GPHN: variants seen among roughly 807,000 people sequenced by gnomAD.
GPHN encodes the protein gephyrin.
A neutral mutation model predicts 95.5 loss-of-function variants in GPHN; 17 were observed. That is an observed-to-expected ratio of 0.18 (90% confidence interval 0.12 to 0.27). The LOEUF is 0.27. GPHN is among the 10% of genes least tolerant of loss of function. The pLI is 1.00. For synonymous variants in GPHN, 320 were observed against 322.5 expected (o/e 0.99, Z 0.08); for missense variants, 660 against 978.1 (o/e 0.67, Z 4.34).
the GPHN span, among the ~76,000 whole-genome samples, chr14:67,695,073 A>C: frequency 6.6e-6 from 1 of 152,148 alleles, no homozygotes; most frequent in Non-Finnish European, 1.5e-5. Context: ...TCCTGCTCGC[A>C]AGGCAGGATA....
At chr14:67,034,896 CAG>C (rs2074347029) in intron 10 of GPHN, among the ~76,000 whole-genome samples, 1 of 151,950 alleles carries the variant, frequency 6.6e-6, no homozygotes, top group Non-Finnish European at 1.5e-5. Flanking sequence ...AATAAGGAAA[CAG>C]AGAACTTGAA....
At chr14:67,158,583 T>G (rs560953402) in intron 18 of GPHN, among the ~76,000 whole-genome samples, 1 of 152,358 alleles carries the variant, frequency 6.6e-6, no homozygotes, top group South Asian at 2.1e-4. Flanking sequence ...GTTACTGGAC[T>G]CATTTTTAGA....
At chr14:67,572,632 T>G in the GPHN span, among the ~76,000 whole-genome samples, 4 of 152,144 alleles carry the variant, frequency 2.6e-5, no homozygotes, top group African/African-American at 9.7e-5. Context: ...CCAGGCACTG[T>G]GCTCAGTTTC....
At chr14:66,889,110 A>G (rs1409690385) in intron 5 of GPHN, among the ~76,000 whole-genome samples, 1 of 152,192 alleles carries the variant, frequency 6.6e-6, no homozygotes, top group South Asian at 2.1e-4. Context: ...AAAAATGGAC[A>G]GAATTGAAGA....
chr14:66,984,843 C>T (rs1057181985), intron 9 of GPHN, among the ~76,000 whole-genome samples: 6 of 151,764 alleles, frequency 4.0e-5, no homozygotes, highest in East Asian at 3.9e-4. Flanking sequence ...TGCTCTTCAC[C>T]CTGCCGTTTT....
At chr14:67,329,191 A>C in the GPHN span, among the ~76,000 whole-genome samples, 1 of 152,170 alleles carries the variant, frequency 6.6e-6, no homozygotes, top group Non-Finnish European at 1.5e-5. Flanking sequence ...GAGGTCCTTC[A>C]CATCCCTTGT....
chr14:66,586,365 T>A (rs570947437), intron 1 of GPHN, among the ~76,000 whole-genome samples: 69 of 152,354 alleles, frequency 4.5e-4, no homozygotes, highest in African/African-American at 1.7e-3. Context: ...TGTCTTTTAA[T>A]TGGAGCATTT....
the GPHN span, among the ~76,000 whole-genome samples, chr14:67,347,107 G>A: frequency 6.6e-6 from 1 of 151,974 alleles, no homozygotes; most frequent in Non-Finnish European, 1.5e-5. Flanking sequence ...CCTCAGCCCT[G>A]GAAGTAGCTG....
chr14:66,906,424 T>C (rs1245723011), intron 5 of GPHN, among the ~76,000 whole-genome samples: 4 of 152,176 alleles, frequency 2.6e-5, no homozygotes, highest in Admixed American at 2.6e-4. Flanking sequence ...ATCTCACTTT[T>C]TCCAATGTTA....
chr14:67,003,194 T>A (rs957317606), intron 9 of GPHN, among the ~76,000 whole-genome samples: 8 of 151,688 alleles, frequency 5.3e-5, no homozygotes, highest in African/African-American at 1.9e-4. Context: ...TTTTTTATTA[T>A]CAGTAGTATA....
At chr14:66,661,931 CG>C (rs772577917) in intron 1 of GPHN, among the ~76,000 whole-genome samples, 7 of 152,172 alleles carry the variant, frequency 4.6e-5, no homozygotes, top group Non-Finnish European at 8.8e-5. Context: ...AAGCAGTCCC[CG>C]ATCTATTCCT....
intron 17 of GPHN, among the ~76,000 whole-genome samples, chr14:67,142,681 C>T (rs935875939): frequency 6.6e-6 from 1 of 152,184 alleles, no homozygotes; most frequent in Non-Finnish European, 1.5e-5. Flanking sequence ...CTCCCCCCTC[C>T]ATTTCCTATT....
chr14:67,192,557 C>G, the GPHN span, among the ~76,000 whole-genome samples: 1 of 151,622 alleles, frequency 6.6e-6, no homozygotes, highest in Admixed American at 6.6e-5. Flanking sequence ...GTGCAAGGAG[C>G]TTATCAGGAG....
chr14:67,113,046 G>T lies in GPHN; in HGVS notation c.1501G>T (p.Glu501Ter). ...RPIGHDIKRGECVLAKGTHMG... is the reference protein window; with the variant it reads ...RPIGHDIKRG ...CATCGGCCATGACATTAAAAGAGGG[G>T]AATGTGTTTTGGCCAAAGGAACCCA... is the stretch of plus-strand genomic sequence containing the variant. Residue 501 changes from glutamate to a stop codon, truncating the protein, a stop_gained, in exon 16 of 23, where the codon GAA becomes TAA. Coordinates refer to ENST00000478722, the MANE Select transcript of GPHN (RefSeq NM_020806.5). LOFTEE classifies it high-confidence loss of function. The T allele has an allele frequency of 6.2e-7, 1 of 1,613,878 alleles. No individual in the cohort carries two copies. Among genetic ancestry groups the T allele is most frequent in the Non-Finnish European group, 8.5e-7 (1 of 1,179,810 alleles).
At chr14:67,213,236 C>T in the GPHN span, among the ~76,000 whole-genome samples, 16 of 149,960 alleles carry the variant, frequency 1.1e-4, no homozygotes, top group East Asian at 3.1e-3. Context: ...CATATGTATA[C>T]ATGTGCCATG....
the GPHN span, among the ~76,000 whole-genome samples, chr14:67,378,188 C>G: frequency 6.6e-6 from 1 of 151,638 alleles, no homozygotes; most frequent in Non-Finnish European, 1.5e-5. Flanking sequence ...ACCTCCCACT[C>G]CTTCCTAAAT....
the GPHN span, among the ~76,000 whole-genome samples, chr14:67,440,008 G>A: frequency 1.4e-4 from 22 of 152,028 alleles, no homozygotes; most frequent in East Asian, 3.9e-4. Flanking sequence ...GCTAATTTTC[G>A]TATTTTTGGT....
chr14:67,551,059 T>G, the GPHN span, among the ~76,000 whole-genome samples: 1 of 152,236 alleles, frequency 6.6e-6, no homozygotes, highest in Non-Finnish European at 1.5e-5. Flanking sequence ...ACAGACCAAG[T>G]GGTCCTGTTT....
chr14:67,610,270 GGTTTTTGTTGTTTTTT>G, the GPHN span, among the ~76,000 whole-genome samples: 5 of 152,118 alleles, frequency 3.3e-5, no homozygotes, highest in Non-Finnish European at 7.4e-5. Flanking sequence ...ATTGGTTGGG[GGTTTTTGTTGTTTTTT>G]GTTTTTGTTG....
Sources: allele counts gnomAD v4.1 joint callset (sites outside exome capture counted in the v4.1 genomes callset), GRCh38; gene constraint gnomAD v4.1.1; transcripts MANE v1.5; gene names NCBI Gene and HGNC (gene_info 2026-07-23, HGNC 2026-07-21).